ERC2: variants seen among roughly 807,000 people sequenced by gnomAD.
ERC2 encodes ELKS/RAB6-interacting/CAST family member 2.
A neutral mutation model predicts 114.8 loss-of-function variants in ERC2; 42 were observed. The ratio of observed to expected loss-of-function variants is 0.37; its 90% CI spans 0.29 to 0.47. ERC2 has a LOEUF of 0.47. ERC2 is among the 20% of genes least tolerant of loss of function. The pLI is 0.99. For synonymous variants in ERC2, 454 were observed against 425.5 expected (o/e 1.07, Z -0.82); for missense variants, 939 against 1,150.7 (o/e 0.82, Z 2.66).
At chr3:55,966,887 T>A (rs920010724) in intron 12 of ERC2, among the ~76,000 whole-genome samples, 1 of 152,138 alleles carries the variant, frequency 6.6e-6, no homozygotes, top group African/African-American at 2.4e-5. Flanking sequence ...TAAATACCCA[T>A]TTTTTCCCAT....
chr3:55,731,674 G>T (rs370023436), intron 15 of ERC2, among the ~76,000 whole-genome samples: 1 of 152,276 alleles, frequency 6.6e-6, no homozygotes, highest in South Asian at 2.1e-4. Flanking sequence ...ATCCAACTGT[G>T]AGGCTGAGCA....
At chr3:55,613,938 G>A (rs771882461) in intron 17 of ERC2, among the ~76,000 whole-genome samples, 9 of 136,058 alleles carry the variant, frequency 6.6e-5, no homozygotes, top group Non-Finnish European at 1.2e-4. Context: ...AGCCAGGATC[G>A]TGCCACTACA....
intron 10 of ERC2, 99 bp from the exon 11 acceptor site, chr3:55,992,349 A>G: frequency 9.3e-7 from 1 of 1,074,468 alleles, no homozygotes; most frequent in Non-Finnish European, 1.3e-6. Context: ...TGGAGAGAAA[A>G]TCACCACCAA....
At chr3:56,219,390 T>C (rs1270035690) in intron 3 of ERC2, among the ~76,000 whole-genome samples, 1 of 152,012 alleles carries the variant, frequency 6.6e-6, no homozygotes, top group Non-Finnish European at 1.5e-5. Context: ...GATGGAGCCA[T>C]TCATTTACTT....
chr3:56,308,401 A>G (rs972284307), intron 2 of ERC2, among the ~76,000 whole-genome samples: 4 of 152,234 alleles, frequency 2.6e-5, no homozygotes, highest in Non-Finnish European at 4.4e-5. Context: ...AAAAAGAAGG[A>G]AAAATACACT....
At chr3:55,981,227 G>A (rs1308911909) in intron 12 of ERC2, among the ~76,000 whole-genome samples, 2 of 152,302 alleles carry the variant, frequency 1.3e-5, no homozygotes, top group East Asian at 1.9e-4. Context: ...TGCACCTAAA[G>A]CAAAATCAGC....
chr3:55,791,932 T>G (rs1167757616), intron 14 of ERC2, among the ~76,000 whole-genome samples: 1 of 152,194 alleles, frequency 6.6e-6, no homozygotes, highest in East Asian at 1.9e-4. Context: ...TGTGAACATT[T>G]TTACTCCAGA....
At chr3:56,215,591 G>A (rs1244584318) in intron 3 of ERC2, among the ~76,000 whole-genome samples, 4 of 152,176 alleles carry the variant, frequency 2.6e-5, no homozygotes, top group African/African-American at 7.2e-5. Flanking sequence ...CAATGGGACA[G>A]AAAGTTAACA....
At chr3:56,250,881 A>G (rs1321859197) in intron 3 of ERC2, among the ~76,000 whole-genome samples, 6 of 152,226 alleles carry the variant, frequency 3.9e-5, no homozygotes, top group Non-Finnish European at 8.8e-5. Context: ...AGTGAGACCC[A>G]GTGAAAGATG....
intron 12 of ERC2, among the ~76,000 whole-genome samples, chr3:55,953,462 T>C (rs2067718886): frequency 6.6e-6 from 1 of 152,194 alleles, no homozygotes; most frequent in East Asian, 1.9e-4. Context: ...GTCCACACTC[T>C]CCTGAAGTAG....
intron 2 of ERC2, among the ~76,000 whole-genome samples, chr3:56,409,210 A>G (rs1285923314): frequency 6.6e-6 from 1 of 152,204 alleles, no homozygotes; most frequent in Non-Finnish European, 1.5e-5. Flanking sequence ...GTATGCGTGT[A>G]TGCATGTGTC....
chr3:56,226,850 T>TA (rs1314292674), intron 3 of ERC2, among the ~76,000 whole-genome samples: 1 of 152,184 alleles, frequency 6.6e-6, no homozygotes, highest in Non-Finnish European at 1.5e-5. Context: ...TCTTATTTTT[T>TA]ACCCTTCTTC....
At chr3:56,068,769 A>C (rs1320011528) in intron 7 of ERC2, among the ~76,000 whole-genome samples, 1 of 152,138 alleles carries the variant, frequency 6.6e-6, no homozygotes, top group African/African-American at 2.4e-5. Flanking sequence ...GGTTTCAAAG[A>C]ACTTGGTTTC....
At chr3:55,784,317 T>A (rs11924559) in intron 14 of ERC2, among the ~76,000 whole-genome samples, 3,774 of 152,260 alleles carry the variant, frequency 0.025, 163 homozygotes, top group African/African-American at 0.087. Flanking sequence ...AGATTTAATA[T>A]TTACAGAAAT....
chr3:55,583,388 T>TTCCC (rs1282493156), intron 17 of ERC2, among the ~76,000 whole-genome samples: 1,426 of 121,946 alleles, frequency 0.012, 44 homozygotes, highest in African/African-American at 0.034. Flanking sequence ...CCTTCTTTCT[T>TTCCC]TCCTTCCTTC....
intron 14 of ERC2, among the ~76,000 whole-genome samples, chr3:55,872,617 GTTGCATAGAACTGAAAAGGT>G (rs1406217010): frequency 2.0e-5 from 3 of 152,010 alleles, no homozygotes; most frequent in Non-Finnish European, 4.4e-5. Context: ...ATTGGAATCA[GTTGCATAGAACTGAAAAGGT>G]TTATGTCCCC....
chr3:56,013,544 A>T (rs9820592), intron 8 of ERC2, among the ~76,000 whole-genome samples: 5,925 of 152,272 alleles, frequency 0.039, 251 homozygotes, highest in African/African-American at 0.11. Flanking sequence ...ACCAGCTTAG[A>T]CAGGGTGGAA....
intron 14 of ERC2, among the ~76,000 whole-genome samples, chr3:55,829,668 C>A (rs143407917): frequency 2.6e-5 from 4 of 152,136 alleles, no homozygotes; most frequent in African/African-American, 4.8e-5. Context: ...GTGTGCACCA[C>A]CACATCCAGT....
intron 16 of ERC2, 24 bp downstream of exon 16, chr3:55,699,354 G>T: frequency 6.2e-7 from 1 of 1,613,182 alleles, no homozygotes; most frequent in South Asian, 1.1e-5. Context: ...AGGGGTCTTG[G>T]AGGTAAGCAG....
Sources: allele counts gnomAD v4.1 joint callset (sites outside exome capture counted in the v4.1 genomes callset), GRCh38; gene constraint gnomAD v4.1.1; transcripts MANE v1.5; gene names NCBI Gene and HGNC (gene_info 2026-07-23, HGNC 2026-07-21).